The following SLC25A46 variants were observed in gnomAD, a reference collection of about 807,000 sequenced individuals.
SLC25A46 encodes mitochondrial outer membrane protein SLC25A46.
In SLC25A46, 39 loss-of-function variants were observed where a neutral mutation model predicts 44.6. The ratio of observed to expected loss-of-function variants is 0.87; its 90% CI spans 0.68 to 1.14. The LOEUF (loss-of-function observed/expected upper bound fraction) is 1.14, where lower values mean the gene tolerates loss of function less well. SLC25A46 is among the 50% of genes most tolerant of loss of function. The probability of loss-of-function intolerance (pLI) is 0.00; values close to 1 mark genes in which losing one functional copy is unlikely to be tolerated. For missense variants in SLC25A46, 547 were observed against 522.7 expected, an observed-to-expected ratio of 1.05 and a Z score of -0.45; for synonymous variants, 202 against 185.8, an observed-to-expected ratio of 1.09 and a Z score of -0.71.
At chr5:110,738,311 A>G, upstream of SLC25A46, 1 of 1,204,438 alleles carries the variant, frequency 8.3e-7, no homozygotes, top group Non-Finnish European at 1.1e-6. Flanking sequence ...ATTTTGAACG[A>G]TATAACTGGG....
chr5:110,745,396 G>A (rs532841575), intron 3 of SLC25A46, among the ~76,000 whole-genome samples: 1 of 152,194 alleles, frequency 6.6e-6, no homozygotes, highest in Non-Finnish European at 1.5e-5. Context: ...TGGGACTACA[G>A]GAGCCCGCCA....
chr5:110,743,154 G>T (rs1489705782), intron 2 of SLC25A46, among the ~76,000 whole-genome samples: 3 of 151,966 alleles, frequency 2.0e-5, no homozygotes, highest in Non-Finnish European at 4.4e-5. Context: ...ACCCACAGCT[G>T]TAATTGTTTT....
Position 110,739,087 on chromosome 5 carries a change from C to CGGGCGGGCTCG in SLC25A46, c.-32_-22dup, listed in dbSNP as rs1037125606. 7 of 1,537,792 alleles carry CGGGCGGGCTCG rather than the reference C, an allele frequency of 4.6e-6. No homozygotes were observed. The highest frequency in any genetic ancestry group is 2.2e-4 in the Middle Eastern group (1 of 4,450). ...TGGTGGCCCCGGTGGTGGTGGGCTC[C>CGGGCGGGCTCG]GGGCGGGCTCGCGTCATCCTGCCCC... On this transcript the variant is annotated 5_prime_UTR_variant, in exon 1 of 8. Transcript: ENST00000355943.
chr5:110,764,809 T>TTA lies in SLC25A46; in HGVS notation c.*3032_*3033dup. ...GCCAGGTTTGAATTATTTGCAAAAT[T>TTA]TATATAAGCAAATAAGATCTCTTGG... On this transcript the variant is annotated 3_prime_UTR_variant, in exon 8 of 8. Transcript: ENST00000355943. 6.6e-6 allele frequency: 1 copy of TTA among 151,966 alleles called. No homozygotes were observed. The highest frequency in any genetic ancestry group is 1.5e-5 in the Non-Finnish European group (1 of 67,928). 9.4% of individuals were successfully genotyped at this position (151,966 alleles called of 1,614,324 possible).
In SLC25A46 at chr5:110,761,939, G is replaced by A; in HGVS notation, c.*157G>A. ...TGATTATCTTGACTTTGTTTTTTAA[G>A]GCATAGGTATATATTTTGGATCAAA... On this transcript the variant is annotated 3_prime_UTR_variant, in exon 8 of 8. Coordinates refer to ENST00000355943, the MANE Select transcript of SLC25A46 (RefSeq NM_138773.4). This position sits in a 1 kb window ranked among gnomAD's most constrained non-coding sequence, Gnocchi z 5.3. 1 of 619,384 alleles carries A rather than the reference G, an allele frequency of 1.6e-6. No individual in the cohort carries two copies. The highest frequency in any genetic ancestry group is 2.7e-6 in the Non-Finnish European group (1 of 366,404). 38.4% of individuals were successfully genotyped at this position (619,384 alleles called of 1,614,324 possible).
At chr5:110,738,541 T>G (rs376247108), upstream of SLC25A46, among the ~76,000 whole-genome samples, 464 of 152,164 alleles carry the variant, frequency 3.0e-3, 3 homozygotes, top group African/African-American at 0.011. Context: ...GTACCATATC[T>G]CTCAATAGAT....
chr5:110,756,797 G>A, intron 7 of SLC25A46, 38 bp downstream of exon 7: 1 of 1,451,542 alleles, frequency 6.9e-7, no homozygotes, highest in Non-Finnish European at 9.2e-7. Flanking sequence ...TTTTATTTAA[G>A]AATAGTTTTT....
intron 6 of SLC25A46, 85 bp downstream of exon 6, chr5:110,755,606 CTG>C (rs1215756814): frequency 8.4e-6 from 7 of 835,672 alleles, no homozygotes; most frequent in Non-Finnish European, 1.1e-5. Flanking sequence ...TATTAAATAA[CTG>C]TAGAGAAGGA....
chr5:110,753,457 T>A (rs1292331612), intron 5 of SLC25A46: 1 of 152,024 alleles, frequency 6.6e-6, no homozygotes, highest in Non-Finnish European at 1.5e-5. Flanking sequence ...TAGACTGTTT[T>A]GAGAAAAGCA....
chr5:110,738,188 G>C, upstream of SLC25A46: 1 of 1,275,886 alleles, frequency 7.8e-7, no homozygotes, highest in Non-Finnish European at 1.0e-6. Flanking sequence ...AACCATGGAA[G>C]TCTTCCTCAG....
At chr5:110,751,660 A>C (rs982604531) in intron 5 of SLC25A46, among the ~76,000 whole-genome samples, 15 of 152,234 alleles carry the variant, frequency 9.9e-5, no homozygotes, top group Non-Finnish European at 8.8e-5. Context: ...AGTGAATAAA[A>C]GGAGACATCT....
chr5:110,761,295 G>A lies in SLC25A46; in HGVS notation c.770G>A (p.Arg257Gln), dbSNP rs1184021143. ...GGCATGGGAGTGCCTCATAGCAAAC[G>A]ACTTCTTCCGCTTCTTTCCTTGATC... ...VIGMGVPHSK[R>Q]LLPLLSLIFP... Residue 257 changes from arginine (R) to glutamine (Q), a missense_variant, in exon 8 of 8, where the codon CGA becomes CAA. Arg to Gln is a conservative substitution (Grantham distance 43). Transcript: ENST00000355943. This position sits in a 1 kb window ranked among gnomAD's most constrained non-coding sequence, Gnocchi z 5.3. 6.2e-7 allele frequency: 1 copy of A among 1,613,648 alleles called. No individual in the cohort carries two copies.
intron 1 of SLC25A46, chr5:110,741,821 T>C: frequency 2.7e-6 from 1 of 377,120 alleles, no homozygotes; most frequent in Non-Finnish European, 4.8e-6. Flanking sequence ...GAAAGCGTAA[T>C]TGTGCTTTAA....
chr5:110,764,352 T>G lies in SLC25A46; in HGVS notation c.*2570T>G, dbSNP rs1323723155. ...CCCGAAATGCCATTCTCAATTTTATTTTATGGGCTCCAAAAAAAATTATCT... is the reference window on the plus strand; with the variant it reads ...CCCGAAATGCCATTCTCAATTTTATGTTATGGGCTCCAAAAAAAATTATCT... On this transcript the variant is annotated 3_prime_UTR_variant, in exon 8 of 8. Coordinates refer to ENST00000355943, the MANE Select transcript of SLC25A46 (RefSeq NM_138773.4). The G allele has an allele frequency of 6.6e-6, 1 of 151,890 alleles. No homozygotes were observed. The highest frequency in any genetic ancestry group is 1.5e-5 in the Non-Finnish European group (1 of 67,894). 9.4% of individuals were successfully genotyped at this position (151,890 alleles called of 1,614,324 possible). A position where few individuals can be genotyped will look rare whatever the true frequency, so the allele number is the denominator to read the frequency against.
rs1800348204 is a variant in SLC25A46, at chr5:110,764,799, T to C, written c.*3017T>C. 6.6e-6 allele frequency: 1 copy of C among 152,004 alleles called. No individual in the cohort carries two copies. The highest frequency in any genetic ancestry group is 6.6e-5 in the Admixed American group (1 of 15,208). The allele number at this position is 152,004 out of a possible 1,614,324, so 9.4% of individuals were successfully genotyped here. The stretch of plus-strand genomic sequence containing the variant: ...TAATAAGATAGCCAGGTTTGAATTA[T>C]TTGCAAAATTTATATAAGCAAATAA... On this transcript the variant is annotated 3_prime_UTR_variant, in exon 8 of 8. Coordinates refer to ENST00000355943, the MANE Select transcript of SLC25A46 (RefSeq NM_138773.4).
rs771522449 is a variant in SLC25A46, at chr5:110,761,371, T to G, written c.846T>G (p.Ile282Met). The G allele has an allele frequency of 6.2e-7, 1 of 1,613,676 alleles. No homozygotes were observed. Among genetic ancestry groups the G allele is most frequent in the African/African-American group, 1.3e-5 (1 of 74,910 alleles). The change falls in exon 8 of 8, where the codon ATT becomes ATG. Residue 282 changes from isoleucine (I) to methionine (M), a missense_variant. Physicochemically the swap from Ile to Met is conservative, Grantham distance 10. Transcript: ENST00000355943. This position sits in a 1 kb window ranked among gnomAD's most constrained non-coding sequence, Gnocchi z 5.3. ...GVLHYIISSV[I>M]QKFVLLILKR... ...TTCATTACATCATCAGCTCAGTTAT[T>G]CAGAAGTTTGTCCTACTAATTCTAA...
chr5:110,756,859 A>T, intron 7 of SLC25A46, 100 bp downstream of exon 7: 1 of 675,342 alleles, frequency 1.5e-6, no homozygotes, highest in Non-Finnish European at 2.3e-6. Flanking sequence ...AAATTTTAAG[A>T]CTATGTCTTA....
rs34077241 is a variant in SLC25A46 at position 110,755,980 on chromosome 5, A to AT, written c.620+470dup. The AT allele has an allele frequency of 3.5e-3, 523 of 148,606 alleles. 3 individuals are homozygous for AT. The highest frequency in any genetic ancestry group is 0.011 in the African/African-American group (454 of 40,758). The allele number at this position is 148,606 out of a possible 1,614,324, so 9.2% of individuals were successfully genotyped here. ...TTAGAATTTTATTCTTCACTTTTTA[A>AT]TTTTTTTTTTTGAAGATTGTGAATT... On this transcript the variant is annotated intron_variant, in intron 6 of 7. Transcript: ENST00000355943.
chr5:110,750,036 A>G (rs1799922175), intron 5 of SLC25A46, among the ~76,000 whole-genome samples: 1 of 152,130 alleles, frequency 6.6e-6, no homozygotes. Context: ...AGTTGAAGGC[A>G]TAGCTACTAG....
Sources: gnomAD v4.1 joint callset for allele counts (sites outside exome capture counted in the v4.1 genomes callset) on GRCh38, gnomAD v4.1.1 for gene constraint, Gnocchi (gnomAD v3.1) non-coding constraint, MANE v1.5 for transcripts, NCBI Gene and HGNC (gene_info 2026-07-23, HGNC 2026-07-21) for gene names.